The following ZNF385D variants were observed in gnomAD, a reference collection of about 807,000 sequenced individuals.
The protein encoded by ZNF385D is zinc finger protein 659.
In ZNF385D, 15 loss-of-function variants were observed where a neutral mutation model predicts 35.8. The observed-to-expected ratio is 0.42, with a 90% confidence interval of 0.28 to 0.64. ZNF385D has a LOEUF of 0.64. ZNF385D is among the 30% of genes least tolerant of loss of function. The pLI, the probability that ZNF385D is intolerant of heterozygous loss-of-function variation, is 0.23. For missense variants in ZNF385D, 474 were observed against 494.6 expected (o/e 0.96, Z 0.39); for synonymous variants, 212 against 186.8 (o/e 1.13, Z -1.10).
At chr3:22,256,147 C>G (rs1700302666) in intron 2 of ZNF385D, among the ~76,000 whole-genome samples, 1 of 151,484 alleles carries the variant, frequency 6.6e-6, no homozygotes, top group South Asian at 2.1e-4. Flanking sequence ...TAGACTGGCT[C>G]TCCTTGTTCG....
At chr3:22,024,203 G>A (rs1202800052) in intron 3 of ZNF385D, among the ~76,000 whole-genome samples, 1 of 152,116 alleles carries the variant, frequency 6.6e-6, no homozygotes, top group Non-Finnish European at 1.5e-5. Flanking sequence ...CAGACTCTAA[G>A]TTCTTCAGTT....
At chr3:21,868,063 G>T (rs1316952671) in intron 3 of ZNF385D, among the ~76,000 whole-genome samples, 1 of 152,090 alleles carries the variant, frequency 6.6e-6, no homozygotes, top group Non-Finnish European at 1.5e-5. Context: ...TGTATGTGAA[G>T]ATTTAGTATT....
At chr3:21,951,921 T>C (rs1001819419) in intron 3 of ZNF385D, among the ~76,000 whole-genome samples, 1 of 151,682 alleles carries the variant, frequency 6.6e-6, no homozygotes, top group African/African-American at 2.4e-5. Flanking sequence ...CTGAATGTTA[T>C]GTTTTTCCAC....
intron 3 of ZNF385D, among the ~76,000 whole-genome samples, chr3:21,515,979 C>A (rs1416906945): frequency 2.0e-5 from 3 of 152,090 alleles, no homozygotes; most frequent in Admixed American, 1.3e-4. Context: ...GTTTTTCAGA[C>A]TTTTTCATTC....
intron 2 of ZNF385D, among the ~76,000 whole-genome samples, chr3:22,188,589 A>G (rs12107860): frequency 0.029 from 4,366 of 152,014 alleles, 206 homozygotes; most frequent in African/African-American, 0.099. Context: ...AGCTGGGACT[A>G]CAGGTGCCTG....
At chr3:22,244,286 T>G (rs2125318346) in intron 2 of ZNF385D, among the ~76,000 whole-genome samples, 1 of 148,844 alleles carries the variant, frequency 6.7e-6, no homozygotes, top group South Asian at 2.3e-4. Context: ...GAAATTGTGT[T>G]ACTCTTTGGA....
rs547479784 is a variant in ZNF385D, at chr3:22,095,741, G to C, written c.325+73076C>G. On this transcript the variant is annotated intron_variant, in intron 3 of 5. Coordinates refer to the ZNF385D transcript ENST00000494108. ...TATTCTTTATTTTCTTTCCTTCTGA[G>C]ATAATTTCATTATGTGGCATCAGTT... 4.6e-5 allele frequency among the ~76,000 whole-genome samples: 7 copies of C among 151,732 alleles called. 1 individual carries two copies. Among genetic ancestry groups the C allele is most frequent in the Non-Finnish European group, 8.8e-5 (6 of 67,918 alleles).
Position 21,892,311 on chromosome 3 carries a change from A to G in ZNF385D, c.326-227283T>C, listed in dbSNP as rs146089206. ...TACAGTGCCAGGAATATGCTGGCTC[A>G]GCACAGAAACCTAGAAGGAGAAATA... On this transcript the variant is annotated intron_variant, in intron 3 of 5. Coordinates refer to the ZNF385D transcript ENST00000494108. 1.8e-4 allele frequency among the ~76,000 whole-genome samples: 27 copies of G among 152,338 alleles called. 1 individual carries two copies. The East Asian group carries it at 5.2e-3, about 29-fold the overall frequency.
intron 4 of ZNF385D, among the ~76,000 whole-genome samples, chr3:21,491,339 C>G (rs1705410231): frequency 6.6e-6 from 1 of 151,924 alleles, no homozygotes; most frequent in Non-Finnish European, 1.5e-5. Context: ...CAATAATGGG[C>G]AGCATCAACA....
intron 2 of ZNF385D, among the ~76,000 whole-genome samples, chr3:22,271,924 G>T (rs1701198345): frequency 1.3e-5 from 2 of 152,070 alleles, no homozygotes; most frequent in South Asian, 2.1e-4. Context: ...ACAATACTTT[G>T]AATATTGAAT....
At chr3:22,166,898 A>G (rs1005445507) in intron 3 of ZNF385D, among the ~76,000 whole-genome samples, 2 of 152,274 alleles carry the variant, frequency 1.3e-5, no homozygotes, top group Non-Finnish European at 1.5e-5. Flanking sequence ...ACAAACTTAA[A>G]GAAAACAACT....
rs542209010 is a variant in ZNF385D, at chr3:21,950,916, G to T, written c.325+217901C>A. 2.9e-4 allele frequency among the ~76,000 whole-genome samples: 44 copies of T among 151,654 alleles called. 1 individual carries two copies. Among genetic ancestry groups the T allele is most frequent in the African/African-American group, 1.1e-3 (44 of 41,082 alleles). ...TTCCATTGGTCTGTATATCTGTTTT[G>T]GTACCTGTACCATGCTGTTTTGGTT... On this transcript the variant is annotated intron_variant, in intron 3 of 5. Transcript: ENST00000494108.
At chr3:21,758,186 G>A (rs375695924) in intron 3 of ZNF385D, among the ~76,000 whole-genome samples, 26 of 152,288 alleles carry the variant, frequency 1.7e-4, no homozygotes, top group African/African-American at 4.3e-4. Context: ...TGGCATTTCC[G>A]TGATCTGTTA....
intron 3 of ZNF385D, among the ~76,000 whole-genome samples, chr3:21,861,228 T>C (rs1298810054): frequency 6.6e-6 from 1 of 152,100 alleles, no homozygotes; most frequent in Non-Finnish European, 1.5e-5. Context: ...TTCTATTTTT[T>C]TCGTGCCATA....
intron 2 of ZNF385D, among the ~76,000 whole-genome samples, chr3:22,183,803 A>G (rs920572629): frequency 6.6e-6 from 1 of 151,886 alleles, no homozygotes; most frequent in Non-Finnish European, 1.5e-5. Context: ...TCTTAGAACT[A>G]TTAGTTATTT....
intron 3 of ZNF385D, among the ~76,000 whole-genome samples, chr3:21,854,585 C>T (rs530790006): frequency 7.2e-5 from 11 of 151,954 alleles, no homozygotes; most frequent in African/African-American, 2.7e-4. Context: ...AATTACGTAC[C>T]CAGTCCTATT....
At chr3:22,094,147 G>A (rs562214386) in intron 3 of ZNF385D, among the ~76,000 whole-genome samples, 8 of 151,330 alleles carry the variant, frequency 5.3e-5, no homozygotes, top group Non-Finnish European at 1.0e-4. Flanking sequence ...AATGTCTTCC[G>A]GCATCAAATA....
intron 2 of ZNF385D, among the ~76,000 whole-genome samples, chr3:22,274,646 A>G (rs1701334912): frequency 7.2e-6 from 1 of 138,558 alleles, no homozygotes; most frequent in Non-Finnish European, 1.5e-5. Flanking sequence ...TAATATTTCT[A>G]TTTGTTCATT....
chr3:21,911,654 C>T (rs1383244741), intron 3 of ZNF385D, among the ~76,000 whole-genome samples: 1 of 151,186 alleles, frequency 6.6e-6, no homozygotes, highest in Non-Finnish European at 1.5e-5. Flanking sequence ...AGCTATATTG[C>T]AGAAGGCATA....
Sources: gnomAD v4.1 joint callset for allele counts (sites outside exome capture counted in the v4.1 genomes callset) on GRCh38, gnomAD v4.1.1 for gene constraint, MANE v1.5 for transcripts, NCBI Gene and HGNC (gene_info 2026-07-23, HGNC 2026-07-21) for gene names.